The following CEP85L variants were observed in gnomAD, a reference collection of about 807,000 sequenced individuals.
The protein encoded by CEP85L is centrosomal protein of 85 kDa-like.
CEP85L carries 60 observed loss-of-function variants against 100.3 expected under a neutral mutation model. That is an observed-to-expected ratio of 0.60 (90% confidence interval 0.49 to 0.74). The LOEUF (loss-of-function observed/expected upper bound fraction) is 0.74. CEP85L is among the 30% of genes least tolerant of loss of function. The probability of loss-of-function intolerance (pLI) is 0.00; values close to 1 mark genes in which losing one functional copy is unlikely to be tolerated. For missense variants in CEP85L, 973 were observed against 936.2 expected (o/e 1.04, Z -0.51); for synonymous variants, 319 against 322.7 (o/e 0.99, Z 0.12).
At chr6:118,631,784 AGAGTT>A (rs1290315742) in intron 2 of CEP85L, among the ~76,000 whole-genome samples, 1 of 152,188 alleles carries the variant, frequency 6.6e-6, no homozygotes, top group Admixed American at 6.5e-5. Context: ...ATGGCTTCCA[AGAGTT>A]AAGAGATAAA....
At chr6:118,634,809 C>T (rs751925057) in intron 1 of CEP85L, among the ~76,000 whole-genome samples, 4 of 152,142 alleles carry the variant, frequency 2.6e-5, no homozygotes, top group Admixed American at 6.6e-5. Flanking sequence ...CCAGCCTAGT[C>T]TCACAAGTGC....
intron 1 of CEP85L, among the ~76,000 whole-genome samples, chr6:118,669,292 T>C (rs780069160): frequency 6.6e-6 from 1 of 152,192 alleles, no homozygotes; most frequent in Non-Finnish European, 1.5e-5. Flanking sequence ...AGATCTGCTT[T>C]TGAGGAGTAA....
At chr6:118,619,216 T>G (rs373766874) in intron 2 of CEP85L, among the ~76,000 whole-genome samples, 1 of 152,102 alleles carries the variant, frequency 6.6e-6, no homozygotes, top group East Asian at 1.9e-4. Context: ...CCTGAATAAC[T>G]GGGACAAGTT....
chr6:118,705,690 C>T (rs1448633691), intron 1 of CEP85L, among the ~76,000 whole-genome samples: 1 of 152,246 alleles, frequency 6.6e-6, no homozygotes, highest in Non-Finnish European at 1.5e-5. Context: ...TGACATGGCA[C>T]TTGTGCCAAA....
chr6:118,527,747 A>C (rs956085571), intron 3 of CEP85L, among the ~76,000 whole-genome samples: 2 of 152,208 alleles, frequency 1.3e-5, no homozygotes, highest in African/African-American at 4.8e-5. Flanking sequence ...GAATTATTAA[A>C]TCTGCTATAA....
Position 118,558,619 on chromosome 6 carries a change from G to T in CEP85L, c.1020+6910C>A, listed in dbSNP as rs73526175. 0.022 allele frequency among the ~76,000 whole-genome samples: 1,862 copies of T among 85,176 alleles called. 54 individuals carry two copies. The highest frequency in any genetic ancestry group is 0.067 in the African/African-American group (1,769 of 26,542). The allele number at this position is 85,176 out of a possible 152,430, so 55.9% of individuals were successfully genotyped here. Reference sequence around the variant, plus strand: ...AAGAGAGACAGACACATAGAAACACGTGCACATACACACACACACACACAC... The same window carrying T: ...AAGAGAGACAGACACATAGAAACACTTGCACATACACACACACACACACAC... On this transcript the variant is annotated intron_variant, in intron 3 of 12. Transcript: ENST00000368491.
intron 1 of CEP85L, among the ~76,000 whole-genome samples, chr6:118,633,297 C>T (rs930838099): frequency 3.3e-5 from 5 of 151,616 alleles, no homozygotes; most frequent in African/African-American, 7.3e-5. Context: ...CGCTGCCTCC[C>T]GGGTTCACGC....
chr6:118,530,476 C>A (rs1777229803), intron 3 of CEP85L, among the ~76,000 whole-genome samples: 1 of 151,548 alleles, frequency 6.6e-6, no homozygotes, highest in African/African-American at 2.4e-5. Flanking sequence ...AGGATGCTCT[C>A]TCACACCACT....
chr6:118,577,427 C>T (rs939371354), intron 2 of CEP85L, among the ~76,000 whole-genome samples: 1 of 152,184 alleles, frequency 6.6e-6, no homozygotes, highest in Admixed American at 6.5e-5. Context: ...TTGACCCTCA[C>T]ATTTATATAG....
intron 5 of CEP85L, among the ~76,000 whole-genome samples, chr6:118,496,708 G>T (rs1774950608): frequency 6.6e-6 from 1 of 152,138 alleles, no homozygotes. Context: ...AGTTACAAGA[G>T]CCACTCCAGA....
intron 2 of CEP85L, among the ~76,000 whole-genome samples, chr6:118,613,035 A>G (rs1453549016): frequency 6.6e-6 from 1 of 151,998 alleles, no homozygotes; most frequent in African/African-American, 2.4e-5. Context: ...CCTGACCAAC[A>G]TGGAGAAATC....
intron 1 of CEP85L, among the ~76,000 whole-genome samples, chr6:118,681,348 G>A (rs1175176611): frequency 1.3e-5 from 2 of 152,120 alleles, no homozygotes; most frequent in African/African-American, 2.4e-5. Context: ...AGGGAGAGAG[G>A]AGTTGAGAAG....
chr6:118,670,260 G>A lies in CEP85L; in HGVS notation c.-27-17452C>T, dbSNP rs558856208. On this transcript the variant is annotated intron_variant, in intron 1 of 13. Transcript: ENST00000368488. ...ACTTTTATTTTAGGTTCAGGGGTAC[G>A]AGTGCAGGTTTGTTATATAGATAAA... 5.0e-4 allele frequency among the ~76,000 whole-genome samples: 76 copies of A among 151,156 alleles called. 1 individual carries two copies. The highest frequency in any genetic ancestry group is 4.4e-3 in the Admixed American group (66 of 15,144).
At chr6:118,535,874 T>TA (rs1777560284) in intron 3 of CEP85L, among the ~76,000 whole-genome samples, 1 of 152,136 alleles carries the variant, frequency 6.6e-6, no homozygotes, top group African/African-American at 2.4e-5. Flanking sequence ...TTAAATCTTA[T>TA]AGATTTAATT....
chr6:118,585,210 G>A (rs147981317), intron 2 of CEP85L, among the ~76,000 whole-genome samples: 1 of 152,304 alleles, frequency 6.6e-6, no homozygotes, highest in Non-Finnish European at 1.5e-5. Context: ...GCAAAGGAAA[G>A]GTAGCTAACA....
intron 2 of CEP85L, among the ~76,000 whole-genome samples, chr6:118,601,978 T>A (rs2115180314): frequency 6.6e-6 from 1 of 152,300 alleles, no homozygotes; most frequent in East Asian, 1.9e-4. Context: ...TGCAGCCCAG[T>A]AGGTTTCAGC....
At chr6:118,565,415 G>A (rs1334128899) in intron 3 of CEP85L, 114 bp downstream of exon 3, 4 of 1,047,730 alleles carry the variant, frequency 3.8e-6, no homozygotes, top group Non-Finnish European at 4.2e-6. Flanking sequence ...TTAACTTGCA[G>A]GGAAAAGGAA....
Position 118,465,133 on chromosome 6 carries a change from T to C in CEP85L, c.*272A>G. 2.9e-6 allele frequency: 1 copy of C among 343,520 alleles called. No individual in the cohort carries two copies. Among genetic ancestry groups the C allele is most frequent in the Non-Finnish European group, 5.3e-6 (1 of 187,144 alleles). 21.3% of individuals were successfully genotyped at this position (343,520 alleles called of 1,614,324 possible). On this transcript the variant is annotated 3_prime_UTR_variant, in exon 13 of 13. Coordinates refer to ENST00000368491, the MANE Select transcript of CEP85L (RefSeq NM_001042475.3). ...TCATGTGAAGGGTACTCTTCACAGC[T>C]TGGTCCTACAATCAGTAGTTTGAGA...
chr6:118,686,017 A>G (rs1776816829), intron 1 of CEP85L, among the ~76,000 whole-genome samples: 1 of 152,162 alleles, frequency 6.6e-6, no homozygotes, highest in Admixed American at 6.6e-5. Context: ...TGAGAAAGAA[A>G]GGAACTCGAT....
Sources: gnomAD v4.1 joint callset for allele counts (sites outside exome capture counted in the v4.1 genomes callset) on GRCh38, gnomAD v4.1.1 for gene constraint, MANE v1.5 for transcripts, NCBI Gene and HGNC (gene_info 2026-07-23, HGNC 2026-07-21) for gene names.